Variants in KIAA0232 observed in about 807,000 individuals in gnomAD.
KIAA0232 encodes uncharacterized protein KIAA0232.
Under a neutral mutation model 122.0 loss-of-function variants are expected in KIAA0232, and 27 were observed. The observed-to-expected ratio is 0.22, with a 90% CI of 0.16 to 0.31. KIAA0232 has a LOEUF of 0.31. KIAA0232 is among the 10% of genes least tolerant of loss of function. The pLI is 1.00. For synonymous variants in KIAA0232, 613 were observed against 587.6 expected (o/e 1.04, Z -0.63); for missense variants, 1,551 against 1,634.2 (o/e 0.95, Z 0.88).
At chr4:6,819,003 C>T (rs146254956) in intron 2 of KIAA0232, among the ~76,000 whole-genome samples, 99 of 152,160 alleles carry the variant, frequency 6.5e-4, no homozygotes, top group African/African-American at 2.2e-3. Context: ...ATAAATGGTC[C>T]TGGAATAGCT....
At chr4:6,821,684 A>G (rs566516960) in intron 2 of KIAA0232, among the ~76,000 whole-genome samples, 1 of 57,512 alleles carries the variant, frequency 1.7e-5, no homozygotes, top group East Asian at 2.7e-4. Flanking sequence ...ATACATGTAT[A>G]TATGTGTGTG....
intron 1 of KIAA0232, among the ~76,000 whole-genome samples, chr4:6,788,309 C>T (rs757488051): frequency 2.1e-4 from 32 of 152,284 alleles, no homozygotes; most frequent in African/African-American, 5.1e-4. Flanking sequence ...CGAGCCACCA[C>T]GCCCAGCCTG....
intron 7 of KIAA0232, among the ~76,000 whole-genome samples, chr4:6,870,488 G>A (rs1721416366): frequency 6.6e-6 from 1 of 152,224 alleles, no homozygotes; most frequent in Admixed American, 6.5e-5. Context: ...AAGACACTTA[G>A]GTCAATAACT....
At chr4:6,841,175 T>A (rs1345018462) in intron 3 of KIAA0232, among the ~76,000 whole-genome samples, 1 of 152,226 alleles carries the variant, frequency 6.6e-6, no homozygotes, top group Non-Finnish European at 1.5e-5. Flanking sequence ...CTTCATACAT[T>A]TTTTGTTCTG....
At position 6,855,928 on chromosome 4, in the gene KIAA0232, T is replaced by C. The variant is rs1450519654; in HGVS notation, c.370-1236T>C. The C allele has an allele frequency of 7.9e-6, 7 of 882,992 alleles. No individual in the cohort carries two copies. The highest frequency in any genetic ancestry group is 9.5e-6 in the Non-Finnish European group (7 of 736,610). The allele number at this position is 882,992 out of a possible 1,614,324, so 54.7% of individuals were successfully genotyped here. A position where few individuals can be genotyped will look rare whatever the true frequency, so the allele number is the denominator to read the frequency against. On this transcript the variant is annotated intron_variant, in intron 4 of 9. Coordinates refer to ENST00000307659, the MANE Select transcript of KIAA0232 (RefSeq NM_014743.3). The surrounding 1 kb of genome is among the most constrained non-coding windows in gnomAD (Gnocchi z 4.3). ...GCAGGTGCTTTCTGGTGCAACTGTT[T>C]GTGGTTGAACAGTGTTTATGACTAA...
intron 1 of KIAA0232, among the ~76,000 whole-genome samples, chr4:6,796,929 C>T (rs1334406178): frequency 6.6e-6 from 1 of 152,206 alleles, no homozygotes; most frequent in African/African-American, 2.4e-5. Flanking sequence ...TTTGGCACTG[C>T]CTTCTGTCCT....
intron 4 of KIAA0232, among the ~76,000 whole-genome samples, chr4:6,849,602 C>A (rs533552296): frequency 1.5e-4 from 23 of 152,062 alleles, no homozygotes; most frequent in Non-Finnish European, 2.6e-4. Context: ...GGCAACAGAG[C>A]AAGACTCCAT....
chr4:6,785,915 C>A (rs566450598), intron 1 of KIAA0232, among the ~76,000 whole-genome samples: 1 of 152,304 alleles, frequency 6.6e-6, no homozygotes, highest in South Asian at 2.1e-4. Context: ...ATATTCTTTT[C>A]TCTTATTGGA....
intron 3 of KIAA0232, among the ~76,000 whole-genome samples, chr4:6,828,992 A>G (rs78158426): frequency 3.0e-3 from 462 of 151,722 alleles, no homozygotes; most frequent in African/African-American, 0.011. Context: ...TCCCTCATCT[A>G]GTATCTAGTT....
chr4:6,817,538 T>C (rs969327948), intron 2 of KIAA0232, among the ~76,000 whole-genome samples: 10 of 152,170 alleles, frequency 6.6e-5, no homozygotes, highest in African/African-American at 1.9e-4. Context: ...AGAAATATGT[T>C]TTTAGTTCTC....
At chr4:6,802,903 A>G (rs1309890370) in intron 1 of KIAA0232, among the ~76,000 whole-genome samples, 1 of 151,430 alleles carries the variant, frequency 6.6e-6, no homozygotes, top group Non-Finnish European at 1.5e-5. Flanking sequence ...CATGCTTGTA[A>G]TCCCAACTCT....
intron 2 of KIAA0232, among the ~76,000 whole-genome samples, chr4:6,814,624 A>T (rs1253932771): frequency 6.6e-6 from 1 of 152,124 alleles, no homozygotes; most frequent in Non-Finnish European, 1.5e-5. Context: ...GACTTGTGAG[A>T]GGTTGAAAGG....
intron 2 of KIAA0232, among the ~76,000 whole-genome samples, chr4:6,821,686 ATGTGTGTG>A (rs55875976): frequency 6.7e-5 from 10 of 150,006 alleles, no homozygotes; most frequent in African/African-American, 2.5e-4. Flanking sequence ...ACATGTATAT[ATGTGTGTG>A]TGTGTGTGTG....
intron 2 of KIAA0232, among the ~76,000 whole-genome samples, chr4:6,810,961 A>G (rs1422795259): frequency 6.6e-6 from 1 of 152,220 alleles, no homozygotes; most frequent in African/African-American, 2.4e-5. Flanking sequence ...AAGTATTTGC[A>G]CGGATGCAGA....
At chr4:6,790,101 G>A (rs1030576665) in intron 1 of KIAA0232, among the ~76,000 whole-genome samples, 4 of 152,248 alleles carry the variant, frequency 2.6e-5, no homozygotes, top group East Asian at 1.9e-4. Context: ...TCAGGAAAGC[G>A]AATGTTTTCA....
In KIAA0232 at chr4:6,853,595, T is replaced by G. The variant is rs114324287; in HGVS notation, c.370-3569T>G. 4.2e-3 allele frequency among the ~76,000 whole-genome samples: 639 copies of G among 152,304 alleles called. 7 individuals are homozygous for G. The highest frequency in any genetic ancestry group is 0.014 in the African/African-American group (599 of 41,560). Reference sequence around the variant, plus strand: ...GTATCATGTAGGTTAGTGATCACACTATGGCGGCACCTGTCCAGCATTTAG... The same window carrying G: ...GTATCATGTAGGTTAGTGATCACACGATGGCGGCACCTGTCCAGCATTTAG... On this transcript the variant is annotated intron_variant, in intron 4 of 9. Coordinates refer to ENST00000307659, the MANE Select transcript of KIAA0232 (RefSeq NM_014743.3).
chr4:6,799,930 T>C (rs549444400), intron 1 of KIAA0232, among the ~76,000 whole-genome samples: 1 of 151,634 alleles, frequency 6.6e-6, no homozygotes, highest in South Asian at 2.1e-4. Context: ...CCTGACATCA[T>C]GATCCCCCCG....
At chr4:6,876,907 G>T in intron 9 of KIAA0232, 150 bp downstream of exon 9, 1 of 611,730 alleles carries the variant, frequency 1.6e-6, no homozygotes. Context: ...CCTGTTCTCT[G>T]GCCTTTGTTC....
At chr4:6,817,282 C>G (rs546707529) in intron 2 of KIAA0232, among the ~76,000 whole-genome samples, 1 of 152,098 alleles carries the variant, frequency 6.6e-6, no homozygotes, top group Non-Finnish European at 1.5e-5. Flanking sequence ...GGCATGATCT[C>G]GACTCGCTGC....
Sources: allele counts gnomAD v4.1 joint callset (sites outside exome capture counted in the v4.1 genomes callset), GRCh38; gene constraint gnomAD v4.1.1; non-coding constraint Gnocchi (gnomAD v3.1); transcripts MANE v1.5; gene names NCBI Gene and HGNC (gene_info 2026-07-23, HGNC 2026-07-21).